HACE1: variants seen among roughly 807,000 people sequenced by gnomAD.
HACE1 encodes E3 ubiquitin-protein ligase HACE1.
HACE1 carries 73 observed loss-of-function variants against 118.4 expected under a neutral mutation model. The observed-to-expected ratio is 0.62, with a 90% confidence interval of 0.51 to 0.75. The LOEUF (loss-of-function observed/expected upper bound fraction) is 0.75, where lower values mean the gene tolerates loss of function less well. Among genes scored for constraint, HACE1 ranks in the 30% least tolerant of loss-of-function variants. HACE1 has a pLI of 0.00. For missense variants in HACE1, 749 were observed against 1,102.2 expected (o/e 0.68, Z 4.54); for synonymous variants, 368 against 374.8 (o/e 0.98, Z 0.21).
chr6:104,830,699 A>G (rs1377547200), intron 6 of HACE1, among the ~76,000 whole-genome samples: 8 of 152,184 alleles, frequency 5.3e-5, no homozygotes, highest in Admixed American at 4.6e-4. Flanking sequence ...AGTTAATGGT[A>G]CTGACTTTGA....
chr6:104,756,693 T>C (rs1030203636), intron 19 of HACE1, among the ~76,000 whole-genome samples: 2 of 151,930 alleles, frequency 1.3e-5, no homozygotes, highest in African/African-American at 4.8e-5. Flanking sequence ...TGGGACTGGT[T>C]GGACAGTGGG....
At chr6:104,773,890 T>C (rs1453290212) in intron 17 of HACE1, among the ~76,000 whole-genome samples, 1 of 151,912 alleles carries the variant, frequency 6.6e-6, no homozygotes, top group African/African-American at 2.4e-5. Flanking sequence ...AAAAAATATA[T>C]ATAGCTGTGA....
chr6:104,777,903 G>C (rs928784578), intron 14 of HACE1, among the ~76,000 whole-genome samples: 2 of 152,064 alleles, frequency 1.3e-5, no homozygotes, highest in Non-Finnish European at 2.9e-5. Context: ...GGGATTGCAG[G>C]CACGCACCAC....
At chr6:104,765,769 T>C (rs1582360193) in intron 19 of HACE1, among the ~76,000 whole-genome samples, 1 of 152,244 alleles carries the variant, frequency 6.6e-6, no homozygotes, top group East Asian at 1.9e-4. Flanking sequence ...ATCCACTCTT[T>C]AAATACACAA....
At chr6:104,825,555 T>G (rs2115043887) in intron 6 of HACE1, among the ~76,000 whole-genome samples, 1 of 152,170 alleles carries the variant, frequency 6.6e-6, no homozygotes, top group East Asian at 1.9e-4. Context: ...CACTTTAGCC[T>G]CTGATTAGTT....
chr6:104,737,050 G>A (rs187367955), intron 22 of HACE1, among the ~76,000 whole-genome samples: 76 of 151,890 alleles, frequency 5.0e-4, no homozygotes, highest in African/African-American at 1.8e-3. Context: ...TTGGGAGGCC[G>A]AGGCGGGTGG....
intron 1 of HACE1, among the ~76,000 whole-genome samples, chr6:104,857,950 C>G (rs1776903772): frequency 9.1e-6 from 1 of 110,298 alleles, no homozygotes; most frequent in Admixed American, 9.6e-5. Flanking sequence ...GAGTGAGACT[C>G]CGTCTCAAAA....
Position 104,796,659 on chromosome 6 carries a change from T to G in HACE1, c.812A>C (p.Asn271Thr), listed in dbSNP as rs1158504430. ...QMTQNEDLRENMLRQVLEHLS... is the reference protein window; with the variant it reads ...QMTQNEDLRETMLRQVLEHLS... Reference sequence around the variant, plus strand: ...CTACTATCACAAATACAATACCATGTTTTCTCGGAGGTCTTCATTCTGTGT... The same window carrying G: ...CTACTATCACAAATACAATACCATGGTTTCTCGGAGGTCTTCATTCTGTGT... The change falls in exon 9 of 24, where the codon AAC (asparagine) becomes ACC (threonine). Residue 271 changes from asparagine to threonine, a missense_variant. Around this residue, in one of 5 missense-constraint regions of HACE1, gnomAD observed 267 missense variants for 312.2 expected, o/e 0.86. Transcript: ENST00000262903. 1 of 1,451,554 alleles carries G rather than the reference T, an allele frequency of 6.9e-7. No homozygotes were observed. Among genetic ancestry groups the G allele is most frequent in the Non-Finnish European group, 9.7e-7 (1 of 1,033,760 alleles). The allele number at this position is 1,451,554 out of a possible 1,614,324, so 89.9% of individuals were successfully genotyped here.
intron 5 of HACE1, among the ~76,000 whole-genome samples, chr6:104,841,168 T>C (rs1422451378): frequency 6.6e-6 from 1 of 150,806 alleles, no homozygotes; most frequent in Admixed American, 6.6e-5. Context: ...GAGTGGGAAG[T>C]TTGGAGGTTG....
At position 104,815,616 on chromosome 6, in the gene HACE1, GCCT is replaced by G. The variant is rs1285446815; in HGVS notation, c.535-4226_535-4224del. ...GATCTCAAGTGATCCACCCACCTTG[GCCT>G]CCTAAAGTGCTGGGATTACAGGCCT... On this transcript the variant is annotated intron_variant, in intron 6 of 23. Transcript: ENST00000262903. 1.5e-5 allele frequency among the ~76,000 whole-genome samples: 2 copies of G among 137,278 alleles called. 1 individual carries two copies. The highest frequency in any genetic ancestry group is 4.4e-4 in the East Asian group (2 of 4,574). The allele number at this position is 137,278 out of a possible 152,430, so 90.1% of individuals were successfully genotyped here.
chr6:104,731,619 GAC>G (rs1775210643), intron 22 of HACE1: 1 of 152,050 alleles, frequency 6.6e-6, no homozygotes, highest in South Asian at 2.1e-4. Context: ...AAGGGGAAAA[GAC>G]AGTCTTTTCA....
At chr6:104,859,383 CGGGGTGGGA>C (rs1777075378) in intron 1 of HACE1, 175 bp downstream of exon 1, 1 of 536,714 alleles carries the variant, frequency 1.9e-6, no homozygotes. Flanking sequence ...TCCCACCTGC[CGGGGTGGGA>C]GCGTCGGGCC....
chr6:104,832,914 T>C, intron 6 of HACE1, 128 bp downstream of exon 6: 1 of 870,380 alleles, frequency 1.1e-6, no homozygotes, highest in Non-Finnish European at 1.9e-6. Context: ...AAAAAGTCCA[T>C]ATGATGCAGA....
intron 7 of HACE1, among the ~76,000 whole-genome samples, chr6:104,803,924 G>A (rs1770692325): frequency 6.6e-6 from 1 of 152,164 alleles, no homozygotes; most frequent in Admixed American, 6.5e-5. Context: ...AAGTCAAACT[G>A]TCCCTGTTTG....
intron 7 of HACE1, among the ~76,000 whole-genome samples, chr6:104,800,236 G>A (rs1582534447): frequency 6.6e-6 from 1 of 152,128 alleles, no homozygotes; most frequent in Non-Finnish European, 1.5e-5. Context: ...GGAGCCCACT[G>A]CAGCTCAGCA....
At chr6:104,773,293 T>C (rs1270050451) in intron 17 of HACE1, among the ~76,000 whole-genome samples, 1 of 152,140 alleles carries the variant, frequency 6.6e-6, no homozygotes, top group Non-Finnish European at 1.5e-5. Context: ...AGAAATGTAT[T>C]GGAAAGTGAA....
chr6:104,772,232 A>C (rs1780702574), intron 17 of HACE1, among the ~76,000 whole-genome samples, 158 bp from the exon 18 acceptor site: 1 of 152,224 alleles, frequency 6.6e-6, no homozygotes, highest in Non-Finnish European at 1.5e-5. Flanking sequence ...AAAATATAAC[A>C]AGTGGTAAGT....
At chr6:104,787,699 G>C (rs553174522) in intron 11 of HACE1, among the ~76,000 whole-genome samples, 1 of 152,164 alleles carries the variant, frequency 6.6e-6, no homozygotes, top group African/African-American at 2.4e-5. Flanking sequence ...GATGAGCACT[G>C]AGTCTAAACC....
chr6:104,791,806 A>C (rs1783058268), intron 10 of HACE1, 152 bp from the exon 11 acceptor site: 1 of 602,672 alleles, frequency 1.7e-6, no homozygotes, highest in Non-Finnish European at 2.9e-6. Flanking sequence ...GAGATAGAAC[A>C]GTTTAACAGG....
Sources: gnomAD v4.1 joint callset for allele counts (sites outside exome capture counted in the v4.1 genomes callset) on GRCh38, gnomAD v4.1.1 for gene constraint, gnomAD v4.1.1 regional missense constraint, MANE v1.5 for transcripts, NCBI Gene and HGNC (gene_info 2026-07-23, HGNC 2026-07-21) for gene names.